COG7: variants seen among roughly 807,000 people sequenced by gnomAD.
The protein encoded by COG7 is conserved oligomeric Golgi complex subunit 7.
In COG7, 49 loss-of-function variants were observed where a neutral mutation model predicts 91.5. The observed-to-expected ratio is 0.54, with a 90% CI of 0.43 to 0.68. COG7 has a LOEUF of 0.68. COG7 is among the 30% of genes least tolerant of loss of function. The pLI, the probability that COG7 is intolerant of heterozygous loss-of-function variation, is 0.00. For synonymous variants in COG7, 365 were observed against 388.7 expected (o/e 0.94, Z 0.72); for missense variants, 895 against 961.3 (o/e 0.93, Z 0.91).
At position 23,405,517 on chromosome 16, in the gene COG7, CTTTT is replaced by C. The variant is rs869133051; in HGVS notation, c.1662+555_1662+558del. ...ATCTAAACCCACATTCTCTTTTTTCCTTTTTTTTTTTTTTTTTGAGATGGAGTCT... is the reference window on the plus strand; with the variant it reads ...ATCTAAACCCACATTCTCTTTTTTCCTTTTTTTTTTTTTGAGATGGAGTCT... On this transcript the variant is annotated intron_variant, in intron 12 of 16. Transcript: ENST00000307149. Among the ~76,000 whole-genome samples the C allele has an allele frequency of 3.6e-5, 5 of 139,156 alleles. No individual in the cohort carries two copies. In the East Asian group the frequency reaches 6.2e-4, roughly 17 times the overall value. The allele number at this position is 139,156 out of a possible 152,430, so 91.3% of individuals were successfully genotyped here. A position where few individuals can be genotyped will look rare whatever the true frequency, so the allele number is the denominator to read the frequency against.
intron 11 of COG7, among the ~76,000 whole-genome samples, chr16:23,407,788 G>T (rs1453777229): frequency 1.3e-5 from 2 of 152,038 alleles, no homozygotes; most frequent in South Asian, 2.1e-4. Context: ...GTCTTCGGGG[G>T]ACAGTTCAAT....
intron 13 of COG7, among the ~76,000 whole-genome samples, chr16:23,399,754 C>T (rs1283885295): frequency 1.3e-5 from 2 of 152,072 alleles, no homozygotes; most frequent in African/African-American, 4.8e-5. Flanking sequence ...AAACACCAGG[C>T]TAAGTAAAGC....
At chr16:23,394,696 A>G (rs78993824) in intron 14 of COG7, among the ~76,000 whole-genome samples, 4 of 152,076 alleles carry the variant, frequency 2.6e-5, no homozygotes, top group Admixed American at 6.6e-5. Flanking sequence ...TCGAAAATCT[A>G]CCCAGACCAG....
chr16:23,440,904 C>T (rs973503333), intron 4 of COG7, among the ~76,000 whole-genome samples: 1 of 152,030 alleles, frequency 6.6e-6, no homozygotes, highest in African/African-American at 2.4e-5. Flanking sequence ...AAATGAAAAA[C>T]AAGCTTTAGA....
intron 1 of COG7, among the ~76,000 whole-genome samples, chr16:23,450,555 C>T (rs916358897): frequency 6.6e-6 from 1 of 152,034 alleles, no homozygotes; most frequent in African/African-American, 2.4e-5. Flanking sequence ...GGGCTGGGCG[C>T]GGTGGCTCAC....
rs1207423382 is a variant in COG7 at position 23,453,026 on chromosome 16, C to T, written c.-32G>A. ...ACTGCCTCAGGCCTGGCGTCCAGAA[C>T]TTAAGAGTTGGCTCCGGGCGGCAAC... On this transcript the variant is annotated 5_prime_UTR_variant, in exon 1 of 17. Transcript: ENST00000307149. 1.2e-6 allele frequency: 2 copies of T among 1,613,214 alleles called. No homozygotes were observed.
At chr16:23,450,736 G>A (rs1466175837) in intron 1 of COG7, among the ~76,000 whole-genome samples, 1 of 152,046 alleles carries the variant, frequency 6.6e-6, no homozygotes, top group Admixed American at 6.6e-5. Context: ...GGAGGCTGGG[G>A]CAGGAGAATT....
Position 23,398,102 on chromosome 16 carries a change from T to C in COG7, c.1831A>G (p.Thr611Ala). The C allele has an allele frequency of 1.2e-6, 2 of 1,613,922 alleles. No homozygotes were observed. The highest frequency in any genetic ancestry group is 1.6e-4 in the Middle Eastern group (1 of 6,062). Residue 611 changes from threonine to alanine, a missense_variant, in exon 14 of 17, where the codon ACC (threonine) becomes GCC (alanine). Coordinates refer to ENST00000307149, the MANE Select transcript of COG7 (RefSeq NM_153603.4). ...DSWNTAGIGE[T>A]LTDELPAFSL... is the part of the protein sequence containing the mutation. Reference sequence around the variant, plus strand: ...AAGGCGGGCAGTTCATCTGTGAGGGTTTCTCCGATGCCAGCCGTATTCCAG... The same window carrying C: ...AAGGCGGGCAGTTCATCTGTGAGGGCTTCTCCGATGCCAGCCGTATTCCAG...
At chr16:23,392,113 C>T (rs1189011990) in intron 16 of COG7, 27 of 1,355,624 alleles carry the variant, frequency 2.0e-5, no homozygotes, top group East Asian at 6.2e-5. Flanking sequence ...CTGCAGGACT[C>T]GCTGAATCTT....
chr16:23,435,095 A>G (rs756855942), intron 4 of COG7, among the ~76,000 whole-genome samples: 2 of 152,216 alleles, frequency 1.3e-5, no homozygotes, highest in Non-Finnish European at 2.9e-5. Context: ...TGGTCGCGGT[A>G]GCTCATGCCT....
At chr16:23,393,594 T>C in intron 14 of COG7, 1 of 526,130 alleles carries the variant, frequency 1.9e-6, no homozygotes, top group Non-Finnish European at 3.4e-6. Context: ...TGAAATGCAT[T>C]CAACACAATC....
At position 23,393,210 on chromosome 16, in the gene COG7, C is replaced by T. The variant is rs368324898; in HGVS notation, c.2002+23G>A. 119 of 1,556,796 alleles carry T rather than the reference C, an allele frequency of 7.6e-5. No homozygotes were observed. The African/African-American group carries it at 1.4e-3, about 19-fold the overall frequency. On this transcript the variant is annotated intron_variant, in intron 15 of 16. Coordinates refer to ENST00000307149, the MANE Select transcript of COG7 (RefSeq NM_153603.4). ...AAACTGACAGCTTGACTTGTAACAT[C>T]GCCAGAAACGGTCCCCGCTTACCCT... is the stretch of plus-strand genomic sequence containing the variant.
intron 14 of COG7, 72 bp downstream of exon 14, chr16:23,397,974 G>A (rs996734035): frequency 2.7e-5 from 36 of 1,330,918 alleles, no homozygotes; most frequent in Admixed American, 1.6e-4. Flanking sequence ...ATGACTATAA[G>A]GGCAAGAATC....
Position 23,433,737 on chromosome 16 carries a change from C to G in COG7, c.688-70G>C. 17 of 1,589,790 alleles carry G rather than the reference C, an allele frequency of 1.1e-5. No homozygotes were observed. In the South Asian group the frequency reaches 1.9e-4, roughly 18 times the overall value. ...AGGTTGCCTGTGAACACTGCCCTGC[C>G]CTGCTACCCAGCGTAATCACGGATT... is the stretch of plus-strand genomic sequence containing the variant. On this transcript the variant is annotated intron_variant, in intron 5 of 16. Transcript: ENST00000307149.
At chr16:23,419,603 GC>G (rs1239707033) in intron 7 of COG7, among the ~76,000 whole-genome samples, 1 of 150,276 alleles carries the variant, frequency 6.7e-6, no homozygotes, top group Non-Finnish European at 1.5e-5. Context: ...ACAAAAATTA[GC>G]CGGGCGTAGT....
chr16:23,410,510 A>C (rs1368038637), intron 10 of COG7, 150 bp from the exon 11 acceptor site: 1 of 722,504 alleles, frequency 1.4e-6, no homozygotes, highest in East Asian at 2.7e-5. Context: ...CTGGCCTGAA[A>C]TGTTTCATTC....
At chr16:23,397,766 T>C (rs2142061743) in intron 14 of COG7, among the ~76,000 whole-genome samples, 1 of 152,330 alleles carries the variant, frequency 6.6e-6, no homozygotes, top group African/African-American at 2.4e-5. Context: ...CAAGTCAGAA[T>C]TTCCCATTAG....
chr16:23,424,888 G>A lies in COG7; in HGVS notation c.870C>T (p.Leu290=), dbSNP rs765046255. Residue 290 remains leucine (L), a synonymous_variant, in exon 7 of 17, where the codon CTC becomes CTT. Transcript: ENST00000307149. ...MVLLIQTLGA[L]MPSLPSCLSN... Reference sequence around the variant, plus strand: ...TGAGGCAGGAGGGCAGCGAGGGCATGAGGGCCCCCAGGGTCTGAATCAGCA... The same window carrying A: ...TGAGGCAGGAGGGCAGCGAGGGCATAAGGGCCCCCAGGGTCTGAATCAGCA... 1 of 1,614,164 alleles carries A rather than the reference G, an allele frequency of 6.2e-7. No individual in the cohort carries two copies. The highest frequency in any genetic ancestry group is 8.5e-7 in the Non-Finnish European group (1 of 1,180,028).
At chr16:23,440,746 T>C (rs1162714936) in intron 4 of COG7, among the ~76,000 whole-genome samples, 2 of 152,080 alleles carry the variant, frequency 1.3e-5, no homozygotes, top group East Asian at 3.9e-4. Context: ...CATGAGCCAC[T>C]GCACCCGGCC....
Sources: allele counts gnomAD v4.1 joint callset (sites outside exome capture counted in the v4.1 genomes callset), GRCh38; gene constraint gnomAD v4.1.1; transcripts MANE v1.5; gene names NCBI Gene and HGNC (gene_info 2026-07-23, HGNC 2026-07-21).